PWWP3A: variants seen among roughly 807,000 people sequenced by gnomAD.
PWWP3A encodes the protein PWWP domain containing 3A, DNA repair factor.
In PWWP3A, 53 loss-of-function variants were observed where a neutral mutation model predicts 79.0. The observed-to-expected ratio is 0.67, with a 90% confidence interval of 0.54 to 0.84. PWWP3A has a LOEUF of 0.84. Among genes scored for constraint, PWWP3A ranks in the 40% least tolerant of loss-of-function variants. PWWP3A has a pLI of 0.00. For missense variants in PWWP3A, 973 were observed against 948.0 expected, an observed-to-expected ratio of 1.03 and a Z score of -0.35; for synonymous variants, 443 against 394.4, an observed-to-expected ratio of 1.12 and a Z score of -1.46.
chr19:1,373,005 T>C, intron 12 of PWWP3A, 67 bp from the exon 13 acceptor site: 1 of 1,452,152 alleles, frequency 6.9e-7, no homozygotes, highest in Non-Finnish European at 9.6e-7. Flanking sequence ...GCGGCCTTCT[T>C]AACCGCAGGC....
chr19:1,370,413 T>C (rs975311998), intron 11 of PWWP3A, among the ~76,000 whole-genome samples: 3 of 152,146 alleles, frequency 2.0e-5, no homozygotes, highest in Admixed American at 2.0e-4. Context: ...TTCTCTGCTA[T>C]AAGGGTTAAA....
intron 3 of PWWP3A, 118 bp downstream of exon 3, chr19:1,357,212 T>TAA: frequency 1.4e-6 from 1 of 694,978 alleles, no homozygotes; most frequent in Non-Finnish European, 2.4e-6. Flanking sequence ...TATTCACCAT[T>TAA]TGTGTAATTC....
At chr19:1,371,200 A>G (rs1411282184) in intron 12 of PWWP3A, 122 bp downstream of exon 12, 3 of 1,091,914 alleles carry the variant, frequency 2.7e-6, no homozygotes, top group Non-Finnish European at 4.1e-6. Context: ...CGGCCAACGG[A>G]GCGTGGAGGC....
At position 1,360,994 on chromosome 19, in the gene PWWP3A, G is replaced by T. The variant is rs1302863812; in HGVS notation, c.1073G>T (p.Arg358Ile). The T allele has an allele frequency of 1.4e-6, 2 of 1,442,046 alleles. No individual in the cohort carries two copies. The highest frequency in any genetic ancestry group is 1.8e-6 in the Non-Finnish European group (2 of 1,096,062). The allele number at this position is 1,442,046 out of a possible 1,614,324, so 89.3% of individuals were successfully genotyped here. ...TCCCACGCCTCTGCGGATGCAACCA[G>T]ATGTCTTCCTTGCCCGGATTCCCAG... ...PPSHASADAT[R>I]CLPCPDSQKL... is the part of the protein sequence containing the mutation. Residue 358 changes from arginine to isoleucine, a missense_variant, in exon 5 of 14, where the codon AGA becomes ATA. Physicochemically the swap from Arg to Ile is moderately conservative, Grantham distance 97 (BLOSUM62 -3). Coordinates refer to ENST00000591337, the MANE Select transcript of PWWP3A (RefSeq NM_001369789.1). This position sits in a 1 kb window ranked among gnomAD's most constrained non-coding sequence, Gnocchi z 4.4.
chr19:1,375,721 T>G (rs1210655604), intron 13 of PWWP3A, among the ~76,000 whole-genome samples: 2 of 140,004 alleles, frequency 1.4e-5, no homozygotes, highest in Non-Finnish European at 3.0e-5. Flanking sequence ...ATATATAAAG[T>G]ATGTATACTT....
Position 1,368,239 on chromosome 19 carries a change from C to T in PWWP3A, c.1422+1019C>T, listed in dbSNP as rs989965140. Among the ~76,000 whole-genome samples, 5 of 152,058 alleles carry T rather than the reference C, an allele frequency of 3.3e-5. No homozygotes were observed. Among genetic ancestry groups the T allele is most frequent in the African/African-American group, 1.2e-4 (5 of 41,388 alleles). ...CGCCCGGCTGGAACTGAGTTACTTT[C>T]TAAAAATGGATGAAGGTGTGGGGTG... On this transcript the variant is annotated intron_variant, in intron 9 of 13. Coordinates refer to ENST00000591337, the MANE Select transcript of PWWP3A (RefSeq NM_001369789.1). This position sits in a 1 kb window ranked among gnomAD's most constrained non-coding sequence, Gnocchi z 4.7.
chr19:1,355,441 C>A (rs1385510859), intron 1 of PWWP3A, among the ~76,000 whole-genome samples: 1 of 139,692 alleles, frequency 7.2e-6, no homozygotes, highest in Non-Finnish European at 1.6e-5. Flanking sequence ...CTGCCGTGAA[C>A]CCCATCTCTT....
chr19:1,363,100 C>T (rs1476064128), intron 6 of PWWP3A, among the ~76,000 whole-genome samples: 1 of 152,274 alleles, frequency 6.6e-6, no homozygotes, highest in Non-Finnish European at 1.5e-5. Flanking sequence ...GGCTTCCCCA[C>T]TGGCAGCATC....
chr19:1,356,221 C>A, intron 1 of PWWP3A, 103 bp from the exon 2 acceptor site: 2 of 636,722 alleles, frequency 3.1e-6, no homozygotes, highest in Non-Finnish European at 2.9e-6. Flanking sequence ...ATTAAACCAT[C>A]TACTTGAGGC....
chr19:1,373,251 C>A, intron 13 of PWWP3A, 91 bp downstream of exon 13: 2 of 1,136,712 alleles, frequency 1.8e-6, no homozygotes, highest in Non-Finnish European at 2.6e-6. Context: ...CTCCAGGCTG[C>A]CGCAGCCCCT....
At chr19:1,371,551 G>C in intron 12 of PWWP3A, 1 of 610,384 alleles carries the variant, frequency 1.6e-6, no homozygotes. Flanking sequence ...GACTGTCTGT[G>C]ATTTCGAACT....
intron 8 of PWWP3A, 104 bp downstream of exon 8, chr19:1,366,485 G>A (rs1300877154): frequency 2.1e-5 from 22 of 1,064,632 alleles, no homozygotes; most frequent in South Asian, 5.1e-5. Flanking sequence ...GGGAGGCCCC[G>A]GCAGGAGTCC....
At chr19:1,375,217 G>A (rs1431905011) in intron 13 of PWWP3A, among the ~76,000 whole-genome samples, 3 of 114,836 alleles carry the variant, frequency 2.6e-5, no homozygotes, top group Admixed American at 1.9e-4. Flanking sequence ...GCGAGACTCC[G>A]TTTCAAAAAA....
intron 13 of PWWP3A, among the ~76,000 whole-genome samples, chr19:1,376,141 T>A (rs1232950254): frequency 1.4e-5 from 2 of 146,722 alleles, no homozygotes; most frequent in South Asian, 2.2e-4. Flanking sequence ...TTTTTTTTTT[T>A]TAGAGACAGA....
Position 1,370,973 on chromosome 19 carries a change from G to C in PWWP3A, c.1881G>C (p.Leu627=), listed in dbSNP as rs1169935038. The C allele has an allele frequency of 6.4e-7, 1 of 1,563,018 alleles. No individual in the cohort carries two copies. Among genetic ancestry groups the C allele is most frequent in the Non-Finnish European group, 8.7e-7 (1 of 1,153,204 alleles). ...TGGAGGATGAGGGGCAGCTGGACCT[G>C]GTGGTGAAGTACCTGCAGGGCGTCT... ...TYLEDEGQLD[L]VVKYLQGVYQ... is the part of the protein sequence containing the mutation. The change falls in exon 12 of 14, where the codon CTG becomes CTC. Residue 627 remains leucine (L), a synonymous_variant. Transcript: ENST00000591337.
chr19:1,362,509 T>A (rs2082040645), intron 6 of PWWP3A, among the ~76,000 whole-genome samples, 158 bp downstream of exon 6: 1 of 152,154 alleles, frequency 6.6e-6, no homozygotes, highest in Non-Finnish European at 1.5e-5. Flanking sequence ...TTCAGAAGTG[T>A]CACGTTTTCA....
rs192414411 is a variant in PWWP3A, at chr19:1,370,626, G to C, written c.1550-16G>C. On this transcript the variant is annotated splice_polypyrimidine_tract_variant and intron_variant, in intron 11 of 13. Transcript: ENST00000591337. ...CAGCCCACGCGCTGGTCCCACGACAGGTGCTTCTTTTGCAGGCTATCCTGT... is the reference window on the plus strand; with the variant it reads ...CAGCCCACGCGCTGGTCCCACGACACGTGCTTCTTTTGCAGGCTATCCTGT... 5 of 1,445,236 alleles carry C rather than the reference G, an allele frequency of 3.5e-6. No homozygotes were observed. The highest frequency in any genetic ancestry group is 3.6e-6 in the Non-Finnish European group (4 of 1,096,866). The allele number at this position is 1,445,236 out of a possible 1,614,324, so 89.5% of individuals were successfully genotyped here.
Position 1,355,853 on chromosome 19 carries a change from T to C in PWWP3A, c.-69-471T>C, listed in dbSNP as rs2081848921. On this transcript the variant is annotated intron_variant, in intron 1 of 13. Transcript: ENST00000591337. ...CCAAGCCAGTCCTTCCCATTGATGC[T>C]GTGAACGGTCTGCAGCTGTCCCCGT... 2.0e-5 allele frequency among the ~76,000 whole-genome samples: 3 copies of C among 151,530 alleles called. No homozygotes were observed. The South Asian group carries it at 6.3e-4, about 32-fold the overall frequency.
chr19:1,369,244 G>C lies in PWWP3A; in HGVS notation c.1423-21G>C. ...TTGGCACTGCCTCCCACTGACGCCT[G>C]CTGCCCGGATCTCATTGTAGAATCA... On this transcript the variant is annotated intron_variant, in intron 9 of 13. Transcript: ENST00000591337. The surrounding 1 kb of genome is among the most constrained non-coding windows in gnomAD (Gnocchi z 4.0). The C allele has an allele frequency of 6.2e-7, 1 of 1,613,424 alleles. No individual in the cohort carries two copies. Among genetic ancestry groups the C allele is most frequent in the Non-Finnish European group, 8.5e-7 (1 of 1,179,600 alleles).
Sources: allele counts gnomAD v4.1 joint callset (sites outside exome capture counted in the v4.1 genomes callset), GRCh38; gene constraint gnomAD v4.1.1; non-coding constraint Gnocchi (gnomAD v3.1); transcripts MANE v1.5; gene names NCBI Gene and HGNC (gene_info 2026-07-23, HGNC 2026-07-21).